Variants in ARFGEF1 observed in about 807,000 individuals in gnomAD.
The protein encoded by ARFGEF1 is ARF guanine nucleotide exchange factor 1.
A neutral mutation model predicts 231.0 loss-of-function variants in ARFGEF1; 42 were observed. The observed-to-expected ratio is 0.18, with a 90% CI of 0.14 to 0.24. The LOEUF (loss-of-function observed/expected upper bound fraction) is 0.24, where lower values mean the gene tolerates loss of function less well. Among genes scored for constraint, ARFGEF1 ranks in the 10% least tolerant of loss-of-function variants. The probability of loss-of-function intolerance (pLI) is 1.00; values close to 1 mark genes in which losing one functional copy is unlikely to be tolerated. For synonymous variants in ARFGEF1, 710 were observed against 732.3 expected, an observed-to-expected ratio of 0.97 and a Z score of 0.49; for missense variants, 1,345 against 2,192.0, an observed-to-expected ratio of 0.61 and a Z score of 7.72.
At chr8:67,335,530 CAT>C (rs1050215794) in intron 1 of ARFGEF1, among the ~76,000 whole-genome samples, 4 of 152,216 alleles carry the variant, frequency 2.6e-5, no homozygotes, top group African/African-American at 7.2e-5. Context: ...GAGTAAAAGC[CAT>C]AGAGATTCTC....
At chr8:67,186,177 C>A (rs1220428822) in intron 5 of ARFGEF1, among the ~76,000 whole-genome samples, 3 of 152,094 alleles carry the variant, frequency 2.0e-5, no homozygotes, top group African/African-American at 7.2e-5. Flanking sequence ...ATCTGGCTGT[C>A]CTTTTTATAA....
chr8:67,227,963 C>A lies in ARFGEF1; in HGVS notation c.3591G>T (p.Lys1197Asn). Reference protein sequence around the residue: ...IWEVIGDHFNKVGCNPNEDVA... With the variant: ...IWEVIGDHFNNVGCNPNEDVA... ...ACAAACACCATAGTTATTCAAATAC[C>A]TTATTAAAATGATCTCCAATAACTT... Residue 1197 changes from lysine to asparagine, a missense_variant and splice_region_variant, in exon 25 of 39, where the codon AAG (lysine) becomes AAT (asparagine). Physicochemically the swap from Lys to Asn is moderately conservative, Grantham distance 94 (BLOSUM62 0). This residue lies in a region of ARFGEF1 where 146 missense variants were observed against 321.4 expected (regional missense o/e 0.45). Transcript: ENST00000262215. The A allele has an allele frequency of 6.4e-7, 1 of 1,559,910 alleles. No individual in the cohort carries two copies. The highest frequency in any genetic ancestry group is 8.6e-7 in the Non-Finnish European group (1 of 1,162,086).
intron 1 of ARFGEF1, among the ~76,000 whole-genome samples, chr8:67,307,231 C>T (rs185102505): frequency 6.2e-4 from 95 of 152,320 alleles, no homozygotes; most frequent in Non-Finnish European, 1.1e-3. Flanking sequence ...GTGCTTCTTT[C>T]CTGCTTGCCT....
intron 36 of ARFGEF1, chr8:67,201,876 G>A (rs1269320706): frequency 1.0e-5 from 4 of 383,470 alleles, no homozygotes; most frequent in Non-Finnish European, 1.9e-5. Flanking sequence ...GCTGTGGAAG[G>A]GGCCATGTGC....
At chr8:67,323,936 G>A (rs919378838) in intron 1 of ARFGEF1, among the ~76,000 whole-genome samples, 2 of 152,040 alleles carry the variant, frequency 1.3e-5, no homozygotes, top group Non-Finnish European at 2.9e-5. Flanking sequence ...AAGTAGCTGG[G>A]ACTACAGGCA....
rs1348542717 is a variant in ARFGEF1 at position 67,296,498 on chromosome 8, T to C, written c.572A>G (p.Gln191Arg). The C allele has an allele frequency of 1.9e-6, 3 of 1,613,960 alleles. No homozygotes were observed. Among genetic ancestry groups the C allele is most frequent in the African/African-American group, 1.3e-5 (1 of 74,926 alleles). Residue 191 changes from glutamine to arginine, a missense_variant, in exon 5 of 39, where the codon CAG becomes CGG. By Grantham distance (43) the Gln-to-Arg change is conservative. Coordinates refer to ENST00000262215, the MANE Select transcript of ARFGEF1 (RefSeq NM_006421.5). ...AGTGAGAGTAGCTTTGGCTGTTGTC[T>C]GATTGATGAGATTTTTGCTTGCTAA... ...IYLASKNLIN[Q>R]TTAKATLTQM... is the part of the protein sequence containing the mutation.
intron 18 of ARFGEF1, among the ~76,000 whole-genome samples, chr8:67,252,224 G>A (rs1244850089): frequency 1.3e-5 from 2 of 148,916 alleles, no homozygotes; most frequent in Non-Finnish European, 3.0e-5. Context: ...GTGAGCCAAG[G>A]TGGCGCCAAG....
Position 67,201,556 on chromosome 8 carries a change from G to A in ARFGEF1, c.5178C>T (p.Ser1726=), listed in dbSNP as rs770237620. 6.2e-7 allele frequency: 1 copy of A among 1,613,638 alleles called. No homozygotes were observed. Among genetic ancestry groups the A allele is most frequent in the East Asian group, 2.2e-5 (1 of 44,828 alleles). The part of the protein sequence containing the change: ...KPNLLKQETS[S]LACGLRILFR... Reference sequence around the variant, plus strand: ...AGAGAATGCGCAGCCCACAGGCCAGGCTGCTGGTCTCCTGCTTCAGAAGGT... The same window carrying A: ...AGAGAATGCGCAGCCCACAGGCCAGACTGCTGGTCTCCTGCTTCAGAAGGT... Residue 1726 remains serine (S), a synonymous_variant, in exon 37 of 39, where the codon AGC becomes AGT. Transcript: ENST00000262215.
At chr8:67,299,768 C>T (rs534145847) in intron 3 of ARFGEF1, among the ~76,000 whole-genome samples, 52 of 152,008 alleles carry the variant, frequency 3.4e-4, no homozygotes, top group African/African-American at 1.0e-3. Flanking sequence ...CTTAGGAGTT[C>T]GAGGCCAGCT....
intron 1 of ARFGEF1, among the ~76,000 whole-genome samples, chr8:67,324,430 TCATA>T (rs1244015926): frequency 6.6e-6 from 1 of 152,210 alleles, no homozygotes; most frequent in Non-Finnish European, 1.5e-5. Flanking sequence ...CTCTCTATGC[TCATA>T]CAATTAGTTC....
chr8:67,267,228 C>T lies in ARFGEF1; in HGVS notation c.1675G>A (p.Ala559Thr). 1.2e-6 allele frequency: 2 copies of T among 1,611,734 alleles called. No individual in the cohort carries two copies. The highest frequency in any genetic ancestry group is 1.7e-6 in the Non-Finnish European group (2 of 1,179,110). The change falls in exon 12 of 39, where the codon GCT (alanine) becomes ACT (threonine). Residue 559 changes from alanine (A) to threonine (T), a missense_variant and splice_region_variant. By Grantham distance (58) the Ala-to-Thr change is moderately conservative (BLOSUM62 0). Transcript: ENST00000262215. ...IQTLTRICAD[A>T]QSVVDIYVNY... is the part of the protein sequence containing the mutation. The stretch of plus-strand genomic sequence containing the variant: ...ACATAAATATCCACTACACTCTGAG[C>T]ATCTGTAACAATATAACATTAATTT...
chr8:67,224,135 C>T lies in ARFGEF1; in HGVS notation c.4208+768G>A, dbSNP rs906542839. Among the ~76,000 whole-genome samples, 5 of 151,898 alleles carry T rather than the reference C, an allele frequency of 3.3e-5. No homozygotes were observed. In the East Asian group the frequency reaches 7.7e-4, roughly 23 times the overall value. On this transcript the variant is annotated intron_variant, in intron 29 of 38. Transcript: ENST00000262215. ...GCTACCTTTAGAAATTCAAAAAATT[C>T]GATAAAGTTACACATCCAAATAACA...
At chr8:67,317,964 G>A (rs1372711815) in intron 1 of ARFGEF1, among the ~76,000 whole-genome samples, 3 of 151,004 alleles carry the variant, frequency 2.0e-5, no homozygotes, top group South Asian at 2.1e-4. Context: ...CAGGCCAGGC[G>A]CGGTGGCTCA....
intron 33 of ARFGEF1, 123 bp downstream of exon 33, chr8:67,216,466 CA>C: frequency 1.2e-6 from 1 of 851,772 alleles, no homozygotes; most frequent in Non-Finnish European, 1.8e-6. Flanking sequence ...ATAAGTAATC[CA>C]GTCTCAGATA....
intron 19 of ARFGEF1, among the ~76,000 whole-genome samples, chr8:67,245,258 AG>A (rs1433790732): frequency 5.3e-5 from 8 of 150,680 alleles, no homozygotes; most frequent in African/African-American, 2.0e-4. Flanking sequence ...GACATTAATG[AG>A]TAAGAAGAAA....
At chr8:67,250,286 C>A (rs62513134) in intron 19 of ARFGEF1, among the ~76,000 whole-genome samples, 142 of 152,228 alleles carry the variant, frequency 9.3e-4, no homozygotes, top group Admixed American at 1.2e-3. Flanking sequence ...CATGAAGATG[C>A]CTGTTAGGAG....
chr8:67,275,723 T>C (rs1313088995), intron 9 of ARFGEF1, among the ~76,000 whole-genome samples: 1 of 152,136 alleles, frequency 6.6e-6, no homozygotes, highest in African/African-American at 2.4e-5. Flanking sequence ...ATTCCAGCAA[T>C]GCTGAAACTT....
chr8:67,195,648 C>T (rs567275883), downstream of ARFGEF1: 2 of 1,487,882 alleles, frequency 1.3e-6, no homozygotes, highest in African/African-American at 2.8e-5. Flanking sequence ...AATGGTAAAT[C>T]TGTACCTTTA....
At chr8:67,313,853 C>G (rs1426513753) in intron 1 of ARFGEF1, among the ~76,000 whole-genome samples, 1 of 152,114 alleles carries the variant, frequency 6.6e-6, no homozygotes, top group African/African-American at 2.4e-5. Flanking sequence ...CTTTGTTTTA[C>G]ACTATCAGGG....
Sources: allele counts gnomAD v4.1 joint callset (sites outside exome capture counted in the v4.1 genomes callset), GRCh38; gene constraint gnomAD v4.1.1; regional missense constraint gnomAD v4.1.1; transcripts MANE v1.5; gene names NCBI Gene and HGNC (gene_info 2026-07-23, HGNC 2026-07-21).